The following MICAL3 variants were observed in gnomAD, a reference collection of about 807,000 sequenced individuals.
The protein encoded by MICAL3 is microtubule associated monooxygenase, calponin and LIM domain containing 3.
MICAL3 carries 62 observed loss-of-function variants against 207.4 expected under a neutral mutation model. The observed-to-expected ratio is 0.30, with a 90% CI of 0.24 to 0.37. MICAL3 has a LOEUF of 0.37. MICAL3 is among the 10% of genes least tolerant of loss of function. The pLI is 1.00. For synonymous variants in MICAL3, 1,077 were observed against 1,069.3 expected (o/e 1.01, Z -0.14); for missense variants, 2,368 against 2,635.6 (o/e 0.90, Z 2.22).
intron 16 of MICAL3, among the ~76,000 whole-genome samples, chr22:17,877,527 G>GTTA (rs1234172799): frequency 4.4e-5 from 6 of 136,256 alleles, no homozygotes; most frequent in Admixed American, 7.2e-5. Context: ...GGTTAGGGAG[G>GTTA]TGAGGGAGGT....
In MICAL3 at chr22:17,923,739, C is replaced by T. The variant is rs189480900; in HGVS notation, c.-74-16853G>A. Among the ~76,000 whole-genome samples, 292 of 152,362 alleles carry T rather than the reference C, an allele frequency of 1.9e-3. 5 individuals carry two copies. Among genetic ancestry groups the T allele is most frequent in the Non-Finnish European group, 6.6e-4 (45 of 68,040 alleles). ...GACTGAAACCTAAAATCTGGGCAAA[C>T]CCCAGTGTTCCCTAAGGGATATTAG... On this transcript the variant is annotated intron_variant, in intron 1 of 31. Coordinates refer to ENST00000441493, the MANE Select transcript of MICAL3 (RefSeq NM_015241.3).
In MICAL3 at chr22:17,896,100, C is replaced by G. The variant is rs1352215987; in HGVS notation, c.1322+146G>C. ...TTTCTATGATTTTATGAAATCCTAT[C>G]TTGCCTTTCCTCTTTTCCACATGAA... On this transcript the variant is annotated intron_variant, in intron 9 of 31. Transcript: ENST00000441493. The G allele has an allele frequency of 7.1e-6, 4 of 562,428 alleles. No individual in the cohort carries two copies. In the African/African-American group the frequency reaches 7.6e-5, roughly 11 times the overall value. The allele number at this position is 562,428 out of a possible 1,614,324, so 34.8% of individuals were successfully genotyped here.
chr22:17,976,902 G>C (rs908534267), intron 1 of MICAL3, among the ~76,000 whole-genome samples: 1 of 151,250 alleles, frequency 6.6e-6, no homozygotes, highest in Non-Finnish European at 1.5e-5. Context: ...CGCCTCCCAG[G>C]TTCACGCCAT....
In MICAL3 at chr22:17,949,435, T is replaced by A. The variant is rs147621562; in HGVS notation, c.-74-42549A>T. 5.9e-5 allele frequency among the ~76,000 whole-genome samples: 9 copies of A among 152,260 alleles called. No individual in the cohort carries two copies. In the East Asian group the frequency reaches 1.5e-3, roughly 26 times the overall value. On this transcript the variant is annotated intron_variant, in intron 1 of 31. Coordinates refer to ENST00000441493, the MANE Select transcript of MICAL3 (RefSeq NM_015241.3). ...GGCAACTAAATTAAGGTTCAGGAAG[T>A]TCACACACAGTGAGCGACAAAGCAG...
At chr22:17,823,311 G>A (rs1921847150) in intron 22 of MICAL3, among the ~76,000 whole-genome samples, 1 of 152,196 alleles carries the variant, frequency 6.6e-6, no homozygotes, top group Non-Finnish European at 1.5e-5. Context: ...AGCGGCTGAA[G>A]GTGGGGGCAT....
At chr22:17,892,389 G>C (rs1417380603) in intron 11 of MICAL3, among the ~76,000 whole-genome samples, 3 of 152,134 alleles carry the variant, frequency 2.0e-5, no homozygotes, top group African/African-American at 7.2e-5. Flanking sequence ...AAGAATCTAT[G>C]AACTATTTAT....
chr22:17,826,171 G>A (rs1266723367), intron 22 of MICAL3, among the ~76,000 whole-genome samples: 1 of 151,462 alleles, frequency 6.6e-6, no homozygotes, highest in Non-Finnish European at 1.5e-5. Flanking sequence ...TGCCAAAAAC[G>A]TTCCTTTGGC....
chr22:17,828,533 C>T (rs572084422), intron 21 of MICAL3, among the ~76,000 whole-genome samples: 116 of 152,160 alleles, frequency 7.6e-4, no homozygotes, highest in Non-Finnish European at 1.3e-3. Context: ...CTTTCATGTA[C>T]GTTTCCAAAC....
At chr22:17,953,942 AAAAAAAAAAAAAAAAAAAAAAAAAAG>A (rs1277549977) in intron 1 of MICAL3, among the ~76,000 whole-genome samples, 1 of 29,486 alleles carries the variant, frequency 3.4e-5, no homozygotes, top group South Asian at 6.8e-4. Flanking sequence ...AAAAAAAAAA[AAAAAAAAAAAAAAAAAAAAAAAAAAG>A]AAAAGAAAAA....
chr22:17,876,901 G>GAGAAGTTAT (rs1928549465), intron 16 of MICAL3: 1 of 40,464 alleles, frequency 2.5e-5, no homozygotes. Flanking sequence ...ATGGAGGTTA[G>GAGAAGTTAT]GGAGGTTAGG....
At chr22:17,870,292 G>C (rs1927580406) in intron 17 of MICAL3, among the ~76,000 whole-genome samples, 1 of 152,052 alleles carries the variant, frequency 6.6e-6, no homozygotes, top group East Asian at 1.9e-4. Flanking sequence ...TCTAGCCAAG[G>C]GTCAGGGAGG....
chr22:17,948,737 G>A (rs971734491), intron 1 of MICAL3, among the ~76,000 whole-genome samples: 10 of 151,748 alleles, frequency 6.6e-5, no homozygotes, highest in African/African-American at 1.9e-4. Context: ...GTGAGACCCC[G>A]TCTTCACAAA....
In MICAL3 at chr22:17,899,495, T is replaced by C. The variant is rs1931144845; in HGVS notation, c.901A>G (p.Met301Val). The change falls in exon 7 of 32, where the codon ATG (methionine) becomes GTG (valine). Residue 301 changes from methionine to valine, a missense_variant. Transcript: ENST00000441493. ...YYKDDTHYFV[M>V]TAKKQSLLDK... ...AGCAAACTCTGCTTTTTGGCTGTCA[T>C]AACGAAATAGTGTGTGTCATCTTTG... The C allele has an allele frequency of 6.2e-7, 1 of 1,610,456 alleles. No homozygotes were observed.
rs754569204 is a variant in MICAL3 at position 17,902,601 on chromosome 22, C to T, written c.589+30G>A. On this transcript the variant is annotated intron_variant, in intron 4 of 31. Coordinates refer to ENST00000441493, the MANE Select transcript of MICAL3 (RefSeq NM_015241.3). This position sits in a 1 kb window ranked among gnomAD's most constrained non-coding sequence, Gnocchi z 4.5. ...TTCCTCACCCATCAACACCCTCTCA[C>T]GCCTTCTTCACTCCTCCAGTATAAC... 13 of 1,354,942 alleles carry T rather than the reference C, an allele frequency of 9.6e-6. No homozygotes were observed. Among genetic ancestry groups the T allele is most frequent in the Admixed American group, 1.9e-5 (1 of 52,390 alleles). The allele number at this position is 1,354,942 out of a possible 1,614,324, so 83.9% of individuals were successfully genotyped here.
intron 1 of MICAL3, among the ~76,000 whole-genome samples, chr22:17,990,359 C>T (rs1254787704): frequency 6.6e-6 from 1 of 151,774 alleles, no homozygotes; most frequent in Non-Finnish European, 1.5e-5. Context: ...AAGACTGTCT[C>T]TGGATGACAG....
chr22:17,975,686 T>A (rs1039252310), intron 1 of MICAL3, among the ~76,000 whole-genome samples: 1 of 152,230 alleles, frequency 6.6e-6, no homozygotes, highest in African/African-American at 2.4e-5. Flanking sequence ...ACCCCAAGTG[T>A]GTCCCCAAAA....
intron 19 of MICAL3, among the ~76,000 whole-genome samples, chr22:17,849,646 G>GTGTA (rs1925045076): frequency 9.5e-5 from 1 of 10,554 alleles, no homozygotes; most frequent in South Asian, 6.3e-3. Flanking sequence ...AGAATGGAAT[G>GTGTA]TGTGTGTGTG....
intron 19 of MICAL3, among the ~76,000 whole-genome samples, chr22:17,852,962 C>T (rs1378729729): frequency 6.6e-6 from 1 of 151,826 alleles, no homozygotes; most frequent in Non-Finnish European, 1.5e-5. Flanking sequence ...GTAATCCCAG[C>T]TACTCAGGAG....
chr22:17,913,713 C>T (rs1473993602), intron 1 of MICAL3, among the ~76,000 whole-genome samples: 1 of 152,158 alleles, frequency 6.6e-6, no homozygotes, highest in African/African-American at 2.4e-5. Flanking sequence ...TTCTAATTTT[C>T]ATTTCTATTC....
Sources: gnomAD v4.1 joint callset for allele counts (sites outside exome capture counted in the v4.1 genomes callset) on GRCh38, gnomAD v4.1.1 for gene constraint, Gnocchi (gnomAD v3.1) non-coding constraint, MANE v1.5 for transcripts, NCBI Gene and HGNC (gene_info 2026-07-23, HGNC 2026-07-21) for gene names.